The following USP35 variants were observed in gnomAD, a reference collection of about 807,000 sequenced individuals.
USP35 encodes the protein ubiquitin carboxyl-terminal hydrolase 35.
Under a neutral mutation model 83.8 loss-of-function variants are expected in USP35, and 69 were observed. That is an observed-to-expected ratio of 0.82 (90% CI 0.68 to 1.01). The LOEUF is 1.01. USP35 is among the 50% of genes least tolerant of loss of function. The pLI is 0.00. For missense variants in USP35, 1,503 were observed against 1,362.5 expected, an observed-to-expected ratio of 1.10 and a Z score of -1.62; for synonymous variants, 714 against 589.5, an observed-to-expected ratio of 1.21 and a Z score of -3.06.
At chr11:78,232,198 C>T in the USP35 span, among the ~76,000 whole-genome samples, 1 of 152,198 alleles carries the variant, frequency 6.6e-6, no homozygotes, top group Non-Finnish European at 1.5e-5. Flanking sequence ...GGTAAGCTCT[C>T]CACTGACATT....
In USP35 at chr11:78,215,027, C is replaced by A. The variant is rs1298252721; in HGVS notation, c.*1214C>A. On this transcript the variant is annotated 3_prime_UTR_variant, in exon 11 of 11. Coordinates refer to ENST00000529308, the MANE Select transcript of USP35 (RefSeq NM_020798.4). ...TGGAGTTTGGGCCCAATGTCACAGA[C>A]CCTCAAGATGTCACATCTAAGTGAC... 6.6e-6 allele frequency among the ~76,000 whole-genome samples: 1 copy of A among 152,064 alleles called. No individual in the cohort carries two copies. Among genetic ancestry groups the A allele is most frequent in the Non-Finnish European group, 1.5e-5 (1 of 68,016 alleles).
At chr11:78,218,438 C>T (rs1213366474), downstream of USP35, 2 of 152,546 alleles carry the variant, frequency 1.3e-5, no homozygotes, top group Non-Finnish European at 2.9e-5. Context: ...AGAGGACTAG[C>T]CCTTGGGCCT....
chr11:78,221,699 C>T, the USP35 span: 1 of 1,612,828 alleles, frequency 6.2e-7, no homozygotes, highest in Non-Finnish European at 8.5e-7. Flanking sequence ...GTTCTCTTCG[C>T]TGTCTCCTGA....
chr11:78,213,756 A>AG lies in USP35; in HGVS notation c.3005dup (p.Cys1003LeufsTer10), dbSNP rs748738592. 6 of 1,543,708 alleles carry AG rather than the reference A, an allele frequency of 3.9e-6. No homozygotes were observed. Among genetic ancestry groups the AG allele is most frequent in the Non-Finnish European group, 5.2e-6 (6 of 1,154,278 alleles). On this transcript the variant is annotated frameshift_variant, in exon 11 of 11. Coordinates refer to ENST00000529308, the MANE Select transcript of USP35 (RefSeq NM_020798.4). LOFTEE classifies it high-confidence loss of function. Reference sequence around the variant, plus strand: ...ACAAGGATGAGGATGAAGGCTCTCCAGGGGGCTGCAATCCTGCAGGTGGCA... The same window carrying AG: ...ACAAGGATGAGGATGAAGGCTCTCCAGGGGGGCTGCAATCCTGCAGGTGGCA...
intron 6 of USP35, among the ~76,000 whole-genome samples, chr11:78,203,932 C>G (rs1413509453): frequency 7.4e-6 from 1 of 135,126 alleles, no homozygotes; most frequent in Non-Finnish European, 1.5e-5. Flanking sequence ...GCTCTGTCGT[C>G]CAGGCTGGAG....
At chr11:78,234,237 C>T in the USP35 span, among the ~76,000 whole-genome samples, 4 of 152,104 alleles carry the variant, frequency 2.6e-5, no homozygotes, top group African/African-American at 9.7e-5. Flanking sequence ...CACATGTGAC[C>T]GTGCCTGGCT....
Sources: allele counts gnomAD v4.1 joint callset (sites outside exome capture counted in the v4.1 genomes callset), GRCh38; gene constraint gnomAD v4.1.1; transcripts MANE v1.5; gene names NCBI Gene and HGNC (gene_info 2026-07-23, HGNC 2026-07-21).